Variants in RSRC1 observed in about 807,000 individuals in gnomAD.
The protein encoded by RSRC1 is arginine and serine rich coiled-coil 1, also known as serine/Arginine-related protein 53.
A neutral mutation model predicts 49.1 loss-of-function variants in RSRC1; 39 were observed. The ratio of observed to expected loss-of-function variants is 0.79; its 90% confidence interval spans 0.61 to 1.04. The LOEUF (loss-of-function observed/expected upper bound fraction) is 1.04. Among genes scored for constraint, RSRC1 ranks in the 50% least tolerant of loss-of-function variants. The pLI, the probability that RSRC1 is intolerant of heterozygous loss-of-function variation, is 0.00. For missense variants in RSRC1, 388 were observed against 402.4 expected, an observed-to-expected ratio of 0.96 and a Z score of 0.31; for synonymous variants, 143 against 130.8, an observed-to-expected ratio of 1.09 and a Z score of -0.63.
At chr3:158,468,915 T>A (rs940772738) in intron 7 of RSRC1, among the ~76,000 whole-genome samples, 2 of 152,178 alleles carry the variant, frequency 1.3e-5, no homozygotes, top group African/African-American at 4.8e-5. Context: ...TTCTGATAAG[T>A]TTGTATCCAA....
intron 5 of RSRC1, among the ~76,000 whole-genome samples, chr3:158,305,334 T>G (rs902503980): frequency 1.3e-5 from 2 of 152,142 alleles, no homozygotes; most frequent in African/African-American, 4.8e-5. Context: ...AGATAACTTT[T>G]TTGACTTTTA....
chr3:158,474,984 G>T (rs114223449), intron 7 of RSRC1, among the ~76,000 whole-genome samples: 239 of 151,824 alleles, frequency 1.6e-3, no homozygotes, highest in African/African-American at 5.7e-3. Context: ...GTATGATCTC[G>T]GCTCATTGCA....
At chr3:158,461,060 A>G in intron 7 of RSRC1, 57 bp downstream of exon 7, 1 of 1,317,890 alleles carries the variant, frequency 7.6e-7, no homozygotes, top group Non-Finnish European at 1.1e-6. Context: ...TATTTCCTGA[A>G]TAGACCGTAG....
At chr3:158,431,913 A>C (rs960173193) in intron 6 of RSRC1, among the ~76,000 whole-genome samples, 2 of 152,106 alleles carry the variant, frequency 1.3e-5, no homozygotes, top group Non-Finnish European at 2.9e-5. Context: ...TTGACCATAG[A>C]ATTAATTTTA....
chr3:158,227,803 T>A (rs984342005), intron 4 of RSRC1, among the ~76,000 whole-genome samples: 1 of 152,084 alleles, frequency 6.6e-6, no homozygotes, highest in African/African-American at 2.4e-5. Flanking sequence ...ACTACTTAAC[T>A]CTGTTCCTGT....
At chr3:158,543,791 T>G (rs1576619046) in intron 9 of RSRC1, 1 of 305,472 alleles carries the variant, frequency 3.3e-6, no homozygotes, top group East Asian at 6.2e-5. Flanking sequence ...CCATGAGAAG[T>G]GTTTGTTTAA....
chr3:158,418,717 T>G (rs981146687), intron 6 of RSRC1, among the ~76,000 whole-genome samples: 2 of 151,968 alleles, frequency 1.3e-5, no homozygotes, highest in African/African-American at 4.8e-5. Flanking sequence ...AAACAAGTCC[T>G]AAAATTTTAC....
At chr3:158,366,533 T>C (rs1453720163) in intron 6 of RSRC1, among the ~76,000 whole-genome samples, 3 of 152,224 alleles carry the variant, frequency 2.0e-5, no homozygotes, top group African/African-American at 7.2e-5. Flanking sequence ...AGTGCCATGC[T>C]GTTTTGGTTA....
At chr3:158,496,078 A>T (rs1739308437) in intron 7 of RSRC1, among the ~76,000 whole-genome samples, 1 of 152,130 alleles carries the variant, frequency 6.6e-6, no homozygotes, top group Non-Finnish European at 1.5e-5. Flanking sequence ...GTGCCCCTCT[A>T]CTACTCTTGC....
intron 4 of RSRC1, among the ~76,000 whole-genome samples, chr3:158,219,480 G>T (rs984826322): frequency 4.0e-5 from 6 of 151,400 alleles, no homozygotes; most frequent in African/African-American, 1.5e-4. Flanking sequence ...TAGTTTTTTA[G>T]TTATCCTTCT....
At chr3:158,500,680 C>G (rs1374192456) in intron 7 of RSRC1, among the ~76,000 whole-genome samples, 1 of 151,978 alleles carries the variant, frequency 6.6e-6, no homozygotes, top group Non-Finnish European at 1.5e-5. Context: ...GAATGATCTA[C>G]AAAAGATCAT....
intron 5 of RSRC1, among the ~76,000 whole-genome samples, chr3:158,299,109 A>G (rs186018357): frequency 3.6e-4 from 55 of 152,260 alleles, no homozygotes; most frequent in African/African-American, 1.3e-3. Context: ...TTTGGGGATC[A>G]GAAGTTAGTA....
chr3:158,411,037 T>G (rs1282910988), intron 6 of RSRC1, among the ~76,000 whole-genome samples: 1 of 152,162 alleles, frequency 6.6e-6, no homozygotes, highest in Non-Finnish European at 1.5e-5. Context: ...TTGCTTCTTT[T>G]GAATGGGAAT....
intron 4 of RSRC1, among the ~76,000 whole-genome samples, chr3:158,248,463 G>A (rs1448257287): frequency 1.3e-5 from 2 of 151,940 alleles, no homozygotes; most frequent in African/African-American, 4.8e-5. Context: ...GTTGTTTTCT[G>A]TTTTTGACTG....
At chr3:158,345,333 G>A (rs1360006535) in intron 5 of RSRC1, among the ~76,000 whole-genome samples, 2 of 151,976 alleles carry the variant, frequency 1.3e-5, no homozygotes, top group Non-Finnish European at 2.9e-5. Flanking sequence ...CAATTATAAA[G>A]CACAGTTTTT....
At chr3:158,290,466 G>A (rs1017030728) in intron 4 of RSRC1, among the ~76,000 whole-genome samples, 1 of 151,992 alleles carries the variant, frequency 6.6e-6, no homozygotes, top group African/African-American at 2.4e-5. Flanking sequence ...TAGTAGAGAT[G>A]GGGTTTCATC....
chr3:158,358,948 ACAC>A (rs1231032141), intron 6 of RSRC1, among the ~76,000 whole-genome samples: 5 of 151,834 alleles, frequency 3.3e-5, no homozygotes, highest in Non-Finnish European at 5.9e-5. Context: ...ACACACACAC[ACAC>A]AACTTATTAA....
chr3:158,282,634 CTG>C (rs1249855959), intron 4 of RSRC1, among the ~76,000 whole-genome samples: 1 of 152,100 alleles, frequency 6.6e-6, no homozygotes, highest in African/African-American at 2.4e-5. Flanking sequence ...TCAGGAAGGA[CTG>C]TAAGTTTAGA....
intron 6 of RSRC1, among the ~76,000 whole-genome samples, chr3:158,436,455 A>T (rs189174596): frequency 1.5e-3 from 227 of 152,124 alleles, no homozygotes; most frequent in Non-Finnish European, 2.8e-3. Context: ...AAAAAGATTC[A>T]GCAGTAGTCT....
Sources: allele counts gnomAD v4.1 joint callset (sites outside exome capture counted in the v4.1 genomes callset), GRCh38; gene constraint gnomAD v4.1.1; transcripts MANE v1.5; gene names NCBI Gene and HGNC (gene_info 2026-07-23, HGNC 2026-07-21).